The following HCN1 variants were observed in gnomAD, a reference collection of about 807,000 sequenced individuals.
HCN1 encodes hyperpolarization activated cyclic nucleotide gated potassium channel 1.
A neutral mutation model predicts 78.9 loss-of-function variants in HCN1; 13 were observed. That is an observed-to-expected ratio of 0.16 (90% CI 0.11 to 0.26). The LOEUF (loss-of-function observed/expected upper bound fraction) is 0.26, where lower values mean the gene tolerates loss of function less well. Ranked by LOEUF, HCN1 falls within the 10% of genes least tolerant of loss-of-function variation. The pLI is 1.00. For synonymous variants in HCN1, 552 were observed against 455.5 expected (o/e 1.21, Z -2.70); for missense variants, 810 against 1,154.3 (o/e 0.70, Z 4.32).
At chr5:45,396,354 G>C (rs188033520) in intron 4 of HCN1, 138 bp downstream of exon 4, 2 of 732,024 alleles carry the variant, frequency 2.7e-6, no homozygotes, top group Non-Finnish European at 4.8e-6. Flanking sequence ...TATCAAAGAA[G>C]ATAGTGTGTT....
At position 45,686,803 on chromosome 5, in the gene HCN1, C is replaced by T. The variant is rs753644066; in HGVS notation, c.425+8866G>A. 6.6e-5 allele frequency among the ~76,000 whole-genome samples: 10 copies of T among 152,146 alleles called. 1 individual carries two copies. Among genetic ancestry groups the T allele is most frequent in the African/African-American group, 2.2e-4 (9 of 41,442 alleles). On this transcript the variant is annotated intron_variant, in intron 1 of 7. Coordinates refer to ENST00000303230, the MANE Select transcript of HCN1 (RefSeq NM_021072.4). ...CTACCCTGAAGGCCTTCCTCCAGAACGCTTTGCTTTACCGCCCCAGTCTGG... is the reference window on the plus strand; with the variant it reads ...CTACCCTGAAGGCCTTCCTCCAGAATGCTTTGCTTTACCGCCCCAGTCTGG...
chr5:45,567,011 G>A (rs991581494), intron 2 of HCN1, among the ~76,000 whole-genome samples: 1 of 152,158 alleles, frequency 6.6e-6, no homozygotes, highest in East Asian at 1.9e-4. Context: ...TTGAGTTGCT[G>A]CAAGTTTGTC....
chr5:45,592,916 T>C (rs1744404683), intron 2 of HCN1, among the ~76,000 whole-genome samples: 1 of 152,210 alleles, frequency 6.6e-6, no homozygotes, highest in Admixed American at 6.5e-5. Context: ...AAATACTGGT[T>C]ACTTCATTTT....
chr5:45,430,172 G>C (rs1256080143), intron 3 of HCN1, among the ~76,000 whole-genome samples: 1 of 152,122 alleles, frequency 6.6e-6, no homozygotes, highest in Non-Finnish European at 1.5e-5. Flanking sequence ...CAATTAGGCA[G>C]ATCCTAATTA....
intron 5 of HCN1, among the ~76,000 whole-genome samples, chr5:45,346,502 G>A (rs932956766): frequency 1.3e-5 from 2 of 152,188 alleles, no homozygotes; most frequent in Non-Finnish European, 2.9e-5. Context: ...GGGAGTACCA[G>A]ACAGTGGGCA....
intron 4 of HCN1, among the ~76,000 whole-genome samples, chr5:45,375,950 A>T (rs1218989823): frequency 1.7e-5 from 2 of 119,112 alleles, no homozygotes; most frequent in African/African-American, 7.0e-5. Flanking sequence ...TATCACATAT[A>T]TTATATATGA....
chr5:45,588,598 T>A (rs1307228991), intron 2 of HCN1, among the ~76,000 whole-genome samples: 1 of 152,142 alleles, frequency 6.6e-6, no homozygotes, highest in African/African-American at 2.4e-5. Flanking sequence ...ATTATGATAA[T>A]TTTAAAAGAC....
At chr5:45,342,603 A>G (rs1746610204) in intron 5 of HCN1, among the ~76,000 whole-genome samples, 1 of 152,144 alleles carries the variant, frequency 6.6e-6, no homozygotes, top group Non-Finnish European at 1.5e-5. Context: ...AAAAATAGTT[A>G]TACATTCTAA....
chr5:45,271,357 GGT>G (rs1187538299), intron 6 of HCN1, among the ~76,000 whole-genome samples: 4 of 114,626 alleles, frequency 3.5e-5, no homozygotes, highest in East Asian at 2.4e-4. Flanking sequence ...TGCTGATTCA[GGT>G]ACACACACAC....
At chr5:45,578,031 C>A (rs991849367) in intron 2 of HCN1, among the ~76,000 whole-genome samples, 1 of 151,946 alleles carries the variant, frequency 6.6e-6, no homozygotes, top group Non-Finnish European at 1.5e-5. Context: ...ACCTAGCTTA[C>A]TATGATTGAT....
At chr5:45,545,526 C>T (rs1310137756) in intron 2 of HCN1, among the ~76,000 whole-genome samples, 2 of 152,102 alleles carry the variant, frequency 1.3e-5, no homozygotes, top group African/African-American at 2.4e-5. Context: ...CTTGCCCATG[C>T]CTATGTCCTG....
At chr5:45,467,772 T>A (rs1052660961) in intron 2 of HCN1, among the ~76,000 whole-genome samples, 2 of 152,134 alleles carry the variant, frequency 1.3e-5, no homozygotes, top group African/African-American at 4.8e-5. Flanking sequence ...TTGAATTCCC[T>A]CAACTTTGGG....
At chr5:45,399,845 A>G (rs1417813218) in intron 3 of HCN1, among the ~76,000 whole-genome samples, 2 of 152,162 alleles carry the variant, frequency 1.3e-5, no homozygotes. Context: ...TTTTCGCAAA[A>G]GTAAAAAATA....
At chr5:45,593,868 G>A (rs1202259593) in intron 2 of HCN1, among the ~76,000 whole-genome samples, 1 of 151,986 alleles carries the variant, frequency 6.6e-6, no homozygotes, top group Non-Finnish European at 1.5e-5. Context: ...TAGAGATAGA[G>A]TTTCACCATG....
intron 2 of HCN1, among the ~76,000 whole-genome samples, chr5:45,496,465 C>G (rs1479730133): frequency 1.3e-4 from 19 of 148,000 alleles, no homozygotes; most frequent in East Asian, 4.1e-4. Flanking sequence ...CCTTGTACCA[C>G]TGGTAGAAGT....
intron 2 of HCN1, among the ~76,000 whole-genome samples, chr5:45,522,839 T>A (rs933029544): frequency 2.0e-5 from 3 of 151,886 alleles, no homozygotes; most frequent in African/African-American, 4.8e-5. Context: ...TGCTTTCACA[T>A]CTTTTTTTTT....
intron 4 of HCN1, among the ~76,000 whole-genome samples, chr5:45,355,188 T>G (rs1746984741): frequency 6.6e-6 from 1 of 152,068 alleles, no homozygotes; most frequent in Admixed American, 6.6e-5. Context: ...ACTAAAATTT[T>G]AAAGTTATAT....
At chr5:45,426,747 C>T (rs549172016) in intron 3 of HCN1, among the ~76,000 whole-genome samples, 45 of 152,258 alleles carry the variant, frequency 3.0e-4, no homozygotes, top group African/African-American at 1.1e-3. Context: ...GCACTCAAGT[C>T]TGCTCTTCAT....
intron 3 of HCN1, among the ~76,000 whole-genome samples, chr5:45,430,750 A>AGG (rs1740446944): frequency 6.6e-6 from 1 of 152,076 alleles, no homozygotes; most frequent in South Asian, 2.1e-4. Flanking sequence ...TGAACATGGG[A>AGG]GGTGGAGCTT....
Sources: gnomAD v4.1 joint callset for allele counts (sites outside exome capture counted in the v4.1 genomes callset) on GRCh38, gnomAD v4.1.1 for gene constraint, MANE v1.5 for transcripts, NCBI Gene and HGNC (gene_info 2026-07-23, HGNC 2026-07-21) for gene names.